Variants in C12orf56 observed in about 807,000 individuals in gnomAD.
C12orf56 encodes uncharacterized protein C12orf56.
In C12orf56, 71 loss-of-function variants were observed where a neutral mutation model predicts 69.9. That is an observed-to-expected ratio of 1.02 (90% CI 0.84 to 1.24). The LOEUF is 1.24. Among genes scored for constraint, C12orf56 ranks in the 50% most tolerant of loss-of-function variants. The pLI is 0.00. For missense variants in C12orf56, 732 were observed against 738.5 expected (o/e 0.99, Z 0.10); for synonymous variants, 276 against 274.1 (o/e 1.01, Z -0.07).
At chr12:64,299,444 A>G (rs7313249) in intron 6 of C12orf56, among the ~76,000 whole-genome samples, 33,620 of 152,144 alleles carry the variant, frequency 0.22, 4,045 homozygotes, top group East Asian at 0.5. Flanking sequence ...AGGTAAGAAT[A>G]TTATATTAAA....
At chr12:64,293,878 C>G (rs995341549) in intron 6 of C12orf56, among the ~76,000 whole-genome samples, 1 of 152,102 alleles carries the variant, frequency 6.6e-6, no homozygotes, top group Non-Finnish European at 1.5e-5. Context: ...GAACTGGTGG[C>G]CAAAGGGCAC....
chr12:64,293,143 A>T (rs2038316071), intron 6 of C12orf56: 1 of 152,066 alleles, frequency 6.6e-6, no homozygotes, highest in Admixed American at 6.6e-5. Flanking sequence ...CCTTTCTTTG[A>T]CTCGGAAAGG....
At chr12:64,329,989 G>A (rs940625694) in intron 3 of C12orf56, among the ~76,000 whole-genome samples, 4 of 151,936 alleles carry the variant, frequency 2.6e-5, no homozygotes, top group Non-Finnish European at 4.4e-5. Context: ...ATAAACATAC[G>A]TGTGCATGTG....
chr12:64,284,630 C>T (rs1417318343), intron 8 of C12orf56, 34 bp downstream of exon 8: 2 of 1,509,434 alleles, frequency 1.3e-6, no homozygotes, highest in Non-Finnish European at 1.8e-6. Context: ...TGGGTTGCAA[C>T]TACAAGGTCC....
At position 64,331,021 on chromosome 12, in the gene C12orf56, T is replaced by C; in HGVS notation, c.427A>G (p.Lys143Glu). The C allele has an allele frequency of 1.9e-6, 3 of 1,541,028 alleles. No homozygotes were observed. Among genetic ancestry groups the C allele is most frequent in the Non-Finnish European group, 2.6e-6 (3 of 1,144,458 alleles). Reference protein sequence around the residue: ...KANNKKVKEEKNGLAFWRSKE... With the variant: ...KANNKKVKEEENGLAFWRSKE... ...CTTCTCCAAAAGGCAAGGCCGTTCTTTTCTTCCTTGACTTAAAAAAAAAAT... is the reference window on the plus strand; with the variant it reads ...CTTCTCCAAAAGGCAAGGCCGTTCTCTTCTTCCTTGACTTAAAAAAAAAAT... The change falls in exon 3 of 13, where the codon AAG becomes GAG. Residue 143 changes from lysine to glutamate, a missense_variant. Transcript: ENST00000543942.
chr12:64,351,494 A>G (rs2039221406), intron 2 of C12orf56, among the ~76,000 whole-genome samples: 1 of 152,210 alleles, frequency 6.6e-6, no homozygotes, highest in African/African-American at 2.4e-5. Flanking sequence ...AAGCTTCGCA[A>G]TTCATGGATA....
rs773944370 is a variant in C12orf56 at position 64,318,821 on chromosome 12, G to A, written c.648C>T (p.Ser216=). ...TTGTGTTTGTTGTGCAAGATGGCTC[G>A]CTGACAGCCTTGCCAGTTGTTGGTG... The part of the protein sequence containing the change: ...QSAPTTGKAV[S]EPSCTTNTKE... Residue 216 remains serine (S), a synonymous_variant, in exon 4 of 13, where the codon AGC becomes AGT. Transcript: ENST00000543942. 40 of 1,537,200 alleles carry A rather than the reference G, an allele frequency of 2.6e-5. No individual in the cohort carries two copies. In the East Asian group the frequency reaches 4.4e-4, roughly 17 times the overall value.
At chr12:64,383,429 T>G (rs1313752258) in intron 1 of C12orf56, among the ~76,000 whole-genome samples, 1 of 151,886 alleles carries the variant, frequency 6.6e-6, no homozygotes, top group African/African-American at 2.4e-5. Context: ...CAGGCTGGAG[T>G]GCAGTGGCGC....
At chr12:64,306,950 C>T (rs1025652651) in intron 5 of C12orf56, among the ~76,000 whole-genome samples, 3 of 152,160 alleles carry the variant, frequency 2.0e-5, no homozygotes, top group African/African-American at 7.2e-5. Flanking sequence ...GCATCTTTCA[C>T]AGTGCATTTG....
chr12:64,352,999 G>C lies in C12orf56; in HGVS notation c.310C>G (p.Arg104Gly). Residue 104 changes from arginine to glycine, a missense_variant, in exon 2 of 13, where the codon CGT becomes GGT. Physicochemically the swap from Arg to Gly is moderately radical, Grantham distance 125. Transcript: ENST00000543942. ...AAAACGGTTGAAGAATAGATGATAC[G>C]AATGTGTTGGCTGATTTCTCTATCT... ...SPDREISQHI[R>G]IIYSSTVLKK... 6.2e-7 allele frequency: 1 copy of C among 1,612,240 alleles called. No individual in the cohort carries two copies.
intron 6 of C12orf56, among the ~76,000 whole-genome samples, chr12:64,293,014 C>T (rs528533621): frequency 2.1e-3 from 312 of 151,342 alleles, no homozygotes; most frequent in African/African-American, 7.2e-3. Flanking sequence ...ACTCCGTGGG[C>T]GTAGGACCCT....
chr12:64,388,582 A>T (rs12810522), intron 1 of C12orf56, among the ~76,000 whole-genome samples: 64,555 of 152,000 alleles, frequency 0.42, 16,378 homozygotes, highest in Non-Finnish European at 0.57. Context: ...AATTTAAATT[A>T]AAAAAAAATT....
chr12:64,308,301 G>A (rs575461780), intron 5 of C12orf56, among the ~76,000 whole-genome samples: 19 of 152,238 alleles, frequency 1.2e-4, no homozygotes, highest in African/African-American at 4.1e-4. Flanking sequence ...CAGCCTGAGC[G>A]ATAGTGGAAG....
At chr12:64,271,424 A>C (rs924548332) in intron 11 of C12orf56, among the ~76,000 whole-genome samples, 2 of 152,198 alleles carry the variant, frequency 1.3e-5, no homozygotes, top group Non-Finnish European at 2.9e-5. Context: ...AGATCGCACC[A>C]CTGCACTCCA....
chr12:64,389,790 C>G (rs1163320025), intron 1 of C12orf56, among the ~76,000 whole-genome samples: 1 of 152,172 alleles, frequency 6.6e-6, no homozygotes. Context: ...ATCCACGGCA[C>G]CCGGCCTTAT....
chr12:64,384,694 A>G (rs761979833), intron 1 of C12orf56, among the ~76,000 whole-genome samples: 29 of 152,148 alleles, frequency 1.9e-4, no homozygotes, highest in Non-Finnish European at 2.8e-4. Flanking sequence ...AGGTGATGAG[A>G]TGGATTTGAA....
chr12:64,306,527 C>G (rs996479434), intron 5 of C12orf56, among the ~76,000 whole-genome samples: 1 of 151,646 alleles, frequency 6.6e-6, no homozygotes, highest in African/African-American at 2.4e-5. Context: ...TACCACCACA[C>G]CCGGTTAATT....
At chr12:64,276,003 C>CA (rs887777004) in intron 9 of C12orf56, among the ~76,000 whole-genome samples, 14 of 88,762 alleles carry the variant, frequency 1.6e-4, no homozygotes, top group Admixed American at 1.1e-3. Flanking sequence ...AAATACACAC[C>CA]CCCCCCCGCG....
At chr12:64,297,004 T>C (rs2038375236) in intron 6 of C12orf56, among the ~76,000 whole-genome samples, 2 of 152,076 alleles carry the variant, frequency 1.3e-5, no homozygotes, top group Admixed American at 6.6e-5. Flanking sequence ...ACATTCATAT[T>C]CTTATAAATT....
Sources: allele counts gnomAD v4.1 joint callset (sites outside exome capture counted in the v4.1 genomes callset), GRCh38; gene constraint gnomAD v4.1.1; transcripts MANE v1.5; gene names NCBI Gene and HGNC (gene_info 2026-07-23, HGNC 2026-07-21).